The following CHEK1 variants were observed in gnomAD, a reference collection of about 807,000 sequenced individuals.
CHEK1 encodes serine/threonine-protein kinase Chk1.
A neutral mutation model predicts 60.2 loss-of-function variants in CHEK1; 32 were observed. That is an observed-to-expected ratio of 0.53 (90% CI 0.40 to 0.71). The LOEUF (loss-of-function observed/expected upper bound fraction) is 0.71, where lower values mean the gene tolerates loss of function less well. Among genes scored for constraint, CHEK1 ranks in the 30% least tolerant of loss-of-function variants. CHEK1 has a pLI of 0.00. For synonymous variants in CHEK1, 179 were observed against 187.2 expected (o/e 0.96, Z 0.36); for missense variants, 399 against 564.6 (o/e 0.71, Z 2.97).
rs1339090288 is a variant in CHEK1, at chr11:125,655,760, AT to A, written c.*443del. On this transcript the variant is annotated 3_prime_UTR_variant, in exon 13 of 13. Coordinates refer to ENST00000438015, the MANE Select transcript of CHEK1 (RefSeq NM_001114122.3). The stretch of plus-strand genomic sequence containing the variant: ...AATTCTTGTGACTTTTGGACAGTAG[AT>A]TTATCAGTCTGTGAAGCGAAGCCAG... 2.8e-5 allele frequency: 6 copies of A among 217,530 alleles called. No individual in the cohort carries two copies. The highest frequency in any genetic ancestry group is 1.3e-4 in the African/African-American group (6 of 44,448). 13.5% of individuals were successfully genotyped at this position (217,530 alleles called of 1,614,324 possible).
intron 13 of CHEK1, among the ~76,000 whole-genome samples, chr11:125,667,553 T>G (rs1303108098): frequency 6.6e-6 from 1 of 152,178 alleles, no homozygotes; most frequent in Non-Finnish European, 1.5e-5. Flanking sequence ...AGAGAGAGTT[T>G]GACTTTTCCT....
At chr11:125,651,398 C>G (rs1047380173) in intron 11 of CHEK1, among the ~76,000 whole-genome samples, 1 of 151,224 alleles carries the variant, frequency 6.6e-6, no homozygotes, top group Non-Finnish European at 1.5e-5. Context: ...AGCGATTCTC[C>G]TGCCTCAGCC....
chr11:125,655,461 T>G lies in CHEK1; in HGVS notation c.*141T>G. 1 of 522,140 alleles carries G rather than the reference T, an allele frequency of 1.9e-6. No homozygotes were observed. The highest frequency in any genetic ancestry group is 3.2e-5 in the East Asian group (1 of 31,158). 32.3% of individuals were successfully genotyped at this position (522,140 alleles called of 1,614,324 possible). On this transcript the variant is annotated 3_prime_UTR_variant, in exon 13 of 13. Coordinates refer to ENST00000438015, the MANE Select transcript of CHEK1 (RefSeq NM_001114122.3). The stretch of plus-strand genomic sequence containing the variant: ...CACTTCCCTGTTTATCCAAACATCT[T>G]CCAATTTATTTTGTTTGTTCGGCAT...
intron 6 of CHEK1, among the ~76,000 whole-genome samples, chr11:125,634,014 T>TTTA (rs1399359263): frequency 6.6e-6 from 1 of 150,932 alleles, no homozygotes; most frequent in Non-Finnish European, 1.5e-5. Flanking sequence ...TTTTTTTTTT[T>TTTA]TAGACCAGAG....
At chr11:125,677,919 G>A (rs2134125717), downstream of CHEK1, 1 of 1,614,054 alleles carries the variant, frequency 6.2e-7, no homozygotes, top group African/African-American at 1.3e-5. Flanking sequence ...TTCACCTGAA[G>A]GCTGTTCATC....
chr11:125,628,721 A>G (rs978259890), intron 3 of CHEK1, among the ~76,000 whole-genome samples: 3 of 152,152 alleles, frequency 2.0e-5, no homozygotes, highest in Non-Finnish European at 4.4e-5. Flanking sequence ...TCCAGGTTAC[A>G]GTAAGTTATG....
chr11:125,663,008 A>G (rs534442680), intron 13 of CHEK1, among the ~76,000 whole-genome samples: 278 of 152,034 alleles, frequency 1.8e-3, no homozygotes, highest in Non-Finnish European at 2.8e-3. Flanking sequence ...TTTGTCATCT[A>G]TGTATCTTTG....
downstream of CHEK1, among the ~76,000 whole-genome samples, chr11:125,680,109 A>C (rs1015462653): frequency 6.6e-6 from 1 of 152,340 alleles, no homozygotes; most frequent in Non-Finnish European, 1.5e-5. Context: ...CAAAAAGCAA[A>C]ACCTCTGACA....
chr11:125,639,830 G>C (rs545669206), intron 8 of CHEK1, among the ~76,000 whole-genome samples: 8 of 152,066 alleles, frequency 5.3e-5, no homozygotes, highest in Admixed American at 3.9e-4. Flanking sequence ...CTTTCATCCT[G>C]TATTGCTGTA....
chr11:125,638,767 A>T (rs1941169616), intron 8 of CHEK1, among the ~76,000 whole-genome samples: 1 of 152,128 alleles, frequency 6.6e-6, no homozygotes, highest in East Asian at 1.9e-4. Flanking sequence ...CTGCCGTACT[A>T]TCACAGTCTG....
At chr11:125,667,144 A>G (rs1431308516) in intron 13 of CHEK1, among the ~76,000 whole-genome samples, 2 of 151,752 alleles carry the variant, frequency 1.3e-5, no homozygotes, top group African/African-American at 4.8e-5. Flanking sequence ...TCTTCAGTCC[A>G]TTCCCCCATC....
chr11:125,667,767 C>T (rs1427912536), intron 13 of CHEK1, among the ~76,000 whole-genome samples: 1 of 152,090 alleles, frequency 6.6e-6, no homozygotes, highest in Non-Finnish European at 1.5e-5. Context: ...ATTACAGGTG[C>T]ATGCCACCAC....
chr11:125,625,836 A>G lies in CHEK1; in HGVS notation c.-197A>G, dbSNP rs1479690184. The stretch of plus-strand genomic sequence containing the variant: ...CAAAGCAGCCCTGGGCGGGAGCGGC[A>G]ACATCTCCACGTCACCCTTTTGGAG... On this transcript the variant is annotated 5_prime_UTR_variant, in exon 1 of 13. Transcript: ENST00000438015. 1 of 702,616 alleles carries G rather than the reference A, an allele frequency of 1.4e-6. No homozygotes were observed. Among genetic ancestry groups the G allele is most frequent in the Non-Finnish European group, 2.6e-6 (1 of 384,982 alleles). The allele number at this position is 702,616 out of a possible 1,614,324, so 43.5% of individuals were successfully genotyped here.
chr11:125,645,903 CTG>C (rs1268279171), intron 11 of CHEK1, among the ~76,000 whole-genome samples: 2 of 152,126 alleles, frequency 1.3e-5, no homozygotes, highest in African/African-American at 4.8e-5. Context: ...GTGTAGAAAT[CTG>C]AGGTCAGCCT....
At chr11:125,675,146 T>G (rs144802593) in intron 13 of CHEK1, among the ~76,000 whole-genome samples, 8 of 152,310 alleles carry the variant, frequency 5.3e-5, no homozygotes, top group Non-Finnish European at 8.8e-5. Flanking sequence ...AACATTAGGA[T>G]TTTTTAAAGT....
At chr11:125,680,895 A>G, downstream of CHEK1, 2 of 858,252 alleles carry the variant, frequency 2.3e-6, no homozygotes, top group Admixed American at 2.1e-5. Context: ...GGAATTCTAG[A>G]ACCTCAGAAG....
chr11:125,657,068 T>G lies in CHEK1; in HGVS notation c.*1748T>G, dbSNP rs1278328639. ...AAATAATAAGTTGCCTTAATTTTCC[T>G]GTAATGTTCATTATATTGTTGTGGG... On this transcript the variant is annotated 3_prime_UTR_variant, in exon 13 of 13. Coordinates refer to ENST00000438015, the MANE Select transcript of CHEK1 (RefSeq NM_001114122.3). 1 of 182,724 alleles carries G rather than the reference T, an allele frequency of 5.5e-6. No individual in the cohort carries two copies. Among genetic ancestry groups the G allele is most frequent in the African/African-American group, 2.4e-5 (1 of 42,530 alleles). The allele number at this position is 182,724 out of a possible 1,614,324, so 11.3% of individuals were successfully genotyped here.
intron 5 of CHEK1, among the ~76,000 whole-genome samples, chr11:125,629,728 A>C (rs971409158): frequency 4.1e-5 from 6 of 148,080 alleles, no homozygotes; most frequent in Admixed American, 2.0e-4. Context: ...TATAAGAATA[A>C]TTTTTTTTTT....
At chr11:125,672,369 C>G in intron 13 of CHEK1, 1 of 479,248 alleles carries the variant, frequency 2.1e-6, no homozygotes, top group Non-Finnish European at 3.6e-6. Context: ...AAAAAAAAAT[C>G]AGGAATATTG....
Sources: allele counts gnomAD v4.1 joint callset (sites outside exome capture counted in the v4.1 genomes callset), GRCh38; gene constraint gnomAD v4.1.1; transcripts MANE v1.5; gene names NCBI Gene and HGNC (gene_info 2026-07-23, HGNC 2026-07-21).